Variants in SPACA7 observed in about 807,000 individuals in gnomAD.
The protein encoded by SPACA7 is sperm acrosome associated 7.
A neutral mutation model predicts 26.3 loss-of-function variants in SPACA7; 19 were observed. That is an observed-to-expected ratio of 0.72 (90% CI 0.50 to 1.06). SPACA7 has a LOEUF of 1.06. SPACA7 is among the 50% of genes least tolerant of loss of function. The probability of loss-of-function intolerance (pLI) is 0.00; values close to 1 mark genes in which losing one functional copy is unlikely to be tolerated. For synonymous variants in SPACA7, 84 were observed against 84.5 expected (o/e 0.99, Z 0.04); for missense variants, 211 against 229.9 (o/e 0.92, Z 0.53).
intron 3 of SPACA7, among the ~76,000 whole-genome samples, chr13:112,398,808 T>C (rs1885451647): frequency 6.6e-6 from 1 of 152,212 alleles, no homozygotes; most frequent in African/African-American, 2.4e-5. Context: ...CTTGAAATCT[T>C]GCACCCAGAA....
At chr13:112,401,542 G>T (rs1189641325) in intron 5 of SPACA7, among the ~76,000 whole-genome samples, 2 of 152,086 alleles carry the variant, frequency 1.3e-5, no homozygotes, top group South Asian at 2.1e-4. Flanking sequence ...ATAATTGTTG[G>T]GGTTTGTTAG....
chr13:112,388,487 G>A (rs1175685137), intron 1 of SPACA7, among the ~76,000 whole-genome samples: 9 of 152,220 alleles, frequency 5.9e-5, no homozygotes, highest in African/African-American at 2.2e-4. Context: ...CCCGCCAGTA[G>A]AGAGAGTACC....
At chr13:112,432,549 T>C (rs1594341947) in intron 6 of SPACA7, 28 bp downstream of exon 6, 1 of 1,509,104 alleles carries the variant, frequency 6.6e-7, no homozygotes, top group Non-Finnish European at 9.2e-7. Context: ...GATAAGTGTC[T>C]TCTCATTTGG....
chr13:112,424,779 C>T (rs890576524), intron 5 of SPACA7, among the ~76,000 whole-genome samples: 35 of 152,212 alleles, frequency 2.3e-4, no homozygotes, highest in African/African-American at 6.3e-4. Context: ...GAGGCAGGGC[C>T]GGTGGCATGG....
At chr13:112,406,747 T>C (rs542355478) in intron 5 of SPACA7, among the ~76,000 whole-genome samples, 1 of 152,188 alleles carries the variant, frequency 6.6e-6, no homozygotes, top group Non-Finnish European at 1.5e-5. Flanking sequence ...TCATCACAAC[T>C]CTATCAAAAT....
At chr13:112,403,759 T>A (rs1394904849) in intron 5 of SPACA7, among the ~76,000 whole-genome samples, 2 of 152,360 alleles carry the variant, frequency 1.3e-5, no homozygotes, top group Admixed American at 1.3e-4. Context: ...TTATTTCATT[T>A]CTTTTTATAC....
chr13:112,384,991 A>G (rs2138879073), intron 1 of SPACA7, among the ~76,000 whole-genome samples: 1 of 152,342 alleles, frequency 6.6e-6, no homozygotes, highest in South Asian at 2.1e-4. Flanking sequence ...ATAAACTTTT[A>G]GAAACCTTTA....
At chr13:112,408,920 CA>C (rs541385079) in intron 5 of SPACA7, among the ~76,000 whole-genome samples, 1 of 151,898 alleles carries the variant, frequency 6.6e-6, no homozygotes, top group African/African-American at 2.4e-5. Context: ...AATCCTAAGC[CA>C]AAAAAACAAA....
intron 1 of SPACA7, among the ~76,000 whole-genome samples, chr13:112,383,167 AAGAAAGAAAGAAAGAAAG>A (rs1884291420): frequency 7.0e-6 from 1 of 142,150 alleles, no homozygotes; most frequent in Non-Finnish European, 1.5e-5. Flanking sequence ...GAAAGAAAGA[AAGAAAGAAAGAAAGAAAG>A]AAAGAAAGAA....
At chr13:112,389,019 A>T (rs1165853739) in intron 1 of SPACA7, among the ~76,000 whole-genome samples, 1 of 152,206 alleles carries the variant, frequency 6.6e-6, no homozygotes, top group East Asian at 1.9e-4. Flanking sequence ...GGAGCAGTTT[A>T]GGGAGGGTCA....
In SPACA7 at chr13:112,390,384, G is replaced by A. The variant is rs185941364; in HGVS notation, c.95-2637G>A. On this transcript the variant is annotated intron_variant, in intron 1 of 6. Transcript: ENST00000283550. Reference sequence around the variant, plus strand: ...GGTTTTAGAAGGGGTTTCAGTAAACGGAAGAACCTTGCCCACGTGCAATTG... The same window carrying A: ...GGTTTTAGAAGGGGTTTCAGTAAACAGAAGAACCTTGCCCACGTGCAATTG... Among the ~76,000 whole-genome samples, 8 of 152,252 alleles carry A rather than the reference G, an allele frequency of 5.3e-5. No homozygotes were observed. The East Asian group carries it at 5.8e-4, about 11-fold the overall frequency.
chr13:112,387,624 A>ATCG (rs1884612634), intron 1 of SPACA7, among the ~76,000 whole-genome samples: 1 of 152,166 alleles, frequency 6.6e-6, no homozygotes, highest in Non-Finnish European at 1.5e-5. Context: ...TATCCTTTTT[A>ATCG]TCGGCATACC....
intron 5 of SPACA7, among the ~76,000 whole-genome samples, chr13:112,403,646 C>T (rs1885788195): frequency 6.6e-6 from 1 of 152,224 alleles, no homozygotes; most frequent in African/African-American, 2.4e-5. Context: ...CATAGCTTAG[C>T]TCCCACTTAT....
chr13:112,417,333 T>C (rs545003466), intron 5 of SPACA7, among the ~76,000 whole-genome samples: 1 of 152,260 alleles, frequency 6.6e-6, no homozygotes, highest in South Asian at 2.1e-4. Flanking sequence ...GTTTTTTACT[T>C]ATTTCTTTAT....
At chr13:112,396,701 A>C (rs1463458248) in intron 2 of SPACA7, among the ~76,000 whole-genome samples, 2 of 152,224 alleles carry the variant, frequency 1.3e-5, no homozygotes, top group Admixed American at 1.3e-4. Context: ...CTGGCCCCAG[A>C]GGACAGAGCC....
chr13:112,404,978 CTTTTTT>C (rs373253878), intron 5 of SPACA7, among the ~76,000 whole-genome samples: 1 of 94,266 alleles, frequency 1.1e-5, no homozygotes, highest in South Asian at 3.7e-4. Context: ...GTATTCTCTT[CTTTTTT>C]TTTTTTTTTT....
chr13:112,423,752 T>TA (rs1451653887), intron 5 of SPACA7, among the ~76,000 whole-genome samples: 3 of 152,218 alleles, frequency 2.0e-5, no homozygotes, highest in Non-Finnish European at 2.9e-5. Flanking sequence ...AAATTAGACA[T>TA]ATCACTTGTA....
At position 112,383,120 on chromosome 13, in the gene SPACA7, G is replaced by A. The variant is rs61248317; in HGVS notation, c.94+6641G>A. Among the ~76,000 whole-genome samples the A allele has an allele frequency of 8.7e-3, 97 of 11,110 alleles. 1 individual carries two copies. Among genetic ancestry groups the A allele is most frequent in the African/African-American group, 0.015 (92 of 6,254 alleles). 7.3% of individuals were successfully genotyped at this position (11,110 alleles called of 152,430 possible). ...AAAGAAGAAAGAAAAGAAAAGAAAA[G>A]AAAAGAAAGAAAGAAAGAAAGAAAG... On this transcript the variant is annotated intron_variant, in intron 1 of 6. Transcript: ENST00000283550.
intron 1 of SPACA7, among the ~76,000 whole-genome samples, chr13:112,378,433 T>C (rs1883833827): frequency 6.6e-6 from 1 of 152,204 alleles, no homozygotes; most frequent in Non-Finnish European, 1.5e-5. Context: ...ATATATCACA[T>C]CTTACAAGAT....
Sources: allele counts gnomAD v4.1 joint callset (sites outside exome capture counted in the v4.1 genomes callset), GRCh38; gene constraint gnomAD v4.1.1; transcripts MANE v1.5; gene names NCBI Gene and HGNC (gene_info 2026-07-23, HGNC 2026-07-21).